The following DCDC2 variants were observed in gnomAD, a reference collection of about 807,000 sequenced individuals.
The protein encoded by DCDC2 is doublecortin domain containing 2, also known as doublecortin domain-containing protein 2.
Under a neutral mutation model 50.2 loss-of-function variants are expected in DCDC2, and 40 were observed. The ratio of observed to expected loss-of-function variants is 0.80; its 90% CI spans 0.62 to 1.04. The LOEUF (loss-of-function observed/expected upper bound fraction) is 1.04. DCDC2 is among the 50% of genes least tolerant of loss of function. DCDC2 has a pLI of 0.00. For missense variants in DCDC2, 570 were observed against 581.9 expected (o/e 0.98, Z 0.21); for synonymous variants, 234 against 210.6 (o/e 1.11, Z -0.96).
intron 8 of DCDC2, among the ~76,000 whole-genome samples, chr6:24,203,759 G>A (rs1761640200): frequency 1.3e-5 from 2 of 151,766 alleles, no homozygotes; most frequent in South Asian, 4.2e-4. Context: ...CTAATATTCA[G>A]AATCTACAAG....
chr6:24,195,164 CCA>C (rs1211163941), intron 8 of DCDC2, among the ~76,000 whole-genome samples: 1 of 152,030 alleles, frequency 6.6e-6, no homozygotes, highest in Non-Finnish European at 1.5e-5. Flanking sequence ...AGTTAGCATG[CCA>C]CAGTTTCATG....
At chr6:24,191,930 C>A (rs185673433) in intron 8 of DCDC2, among the ~76,000 whole-genome samples, 1 of 152,204 alleles carries the variant, frequency 6.6e-6, no homozygotes, top group Non-Finnish European at 1.5e-5. Context: ...AAAGGGAAGC[C>A]AAGAAGCAAG....
At chr6:24,274,296 A>G (rs1763302735) in intron 7 of DCDC2, among the ~76,000 whole-genome samples, 1 of 152,180 alleles carries the variant, frequency 6.6e-6, no homozygotes, top group African/African-American at 2.4e-5. Context: ...ATCATCCAAA[A>G]TGCTATTTCA....
At chr6:24,378,905 G>C in the DCDC2 span, among the ~76,000 whole-genome samples, 1 of 142,362 alleles carries the variant, frequency 7.0e-6, no homozygotes, top group Non-Finnish European at 1.5e-5. Context: ...TGAGCTATGA[G>C]TGTGCCACTG....
At chr6:24,359,207 TTATATATTATATATTTTATATATTTTA>T (rs1760587900), upstream of DCDC2, among the ~76,000 whole-genome samples, 1 of 71,450 alleles carries the variant, frequency 1.4e-5, no homozygotes, top group Non-Finnish European at 2.3e-5. Context: ...TATATATATT[TTATATATTATATATTTTATATATTTTA>T]TATATTTTAT....
chr6:24,185,706 CACACACACACACACACACACATAT>C (rs1761186327), intron 8 of DCDC2, among the ~76,000 whole-genome samples: 1 of 112,254 alleles, frequency 8.9e-6, no homozygotes, highest in Non-Finnish European at 2.0e-5. Context: ...CACACACACA[CACACACACACACACACACACATAT>C]ACACACAGAT....
chr6:24,195,048 C>A (rs1260831793), intron 8 of DCDC2, among the ~76,000 whole-genome samples: 1 of 152,068 alleles, frequency 6.6e-6, no homozygotes, highest in Non-Finnish European at 1.5e-5. Flanking sequence ...CATACACATG[C>A]AAATACCCCT....
chr6:24,178,271 G>A lies in DCDC2; in HGVS notation c.1326+59C>T, dbSNP rs78242664. 0.035 allele frequency: 53,079 copies of A among 1,512,924 alleles called. 2,177 individuals are homozygous for A. The highest frequency in any genetic ancestry group is 0.2 in the African/African-American group (14,407 of 72,502). 93.7% of individuals were successfully genotyped at this position (1,512,924 alleles called of 1,614,324 possible). A position where few individuals can be genotyped will look rare whatever the true frequency, so the allele number is the denominator to read the frequency against. On this transcript the variant is annotated intron_variant, in intron 9 of 9. Coordinates refer to ENST00000378454, the MANE Select transcript of DCDC2 (RefSeq NM_016356.5). ...CACTTGATTAATTCTCTGAATGCAC[G>A]CATGTACACACACACATATTCATGC... is the stretch of plus-strand genomic sequence containing the variant.
At chr6:24,333,320 G>C (rs562538278) in intron 2 of DCDC2, among the ~76,000 whole-genome samples, 25 of 152,250 alleles carry the variant, frequency 1.6e-4, no homozygotes, top group Non-Finnish European at 2.8e-4. Context: ...AGAGAAAAGA[G>C]AGCAAAAGGA....
At chr6:24,377,178 G>A in the DCDC2 span, among the ~76,000 whole-genome samples, 12 of 152,196 alleles carry the variant, frequency 7.9e-5, no homozygotes, top group Non-Finnish European at 1.6e-4. Context: ...GCCACAGTCC[G>A]CTGGGAACAA....
At chr6:24,338,251 A>C (rs7759923) in intron 2 of DCDC2, among the ~76,000 whole-genome samples, 56,940 of 152,138 alleles carry the variant, frequency 0.37, 12,731 homozygotes, top group African/African-American at 0.64. Context: ...CACATGCACA[A>C]ACACTCACAG....
chr6:24,247,323 A>G (rs1039927141), intron 7 of DCDC2, among the ~76,000 whole-genome samples: 21 of 149,982 alleles, frequency 1.4e-4, no homozygotes, highest in African/African-American at 4.9e-4. Flanking sequence ...ATATATACAT[A>G]TTTAACTATT....
At chr6:24,220,887 A>AGC (rs1554146345) in intron 7 of DCDC2, among the ~76,000 whole-genome samples, 4,126 of 114,788 alleles carry the variant, frequency 0.036, 93 homozygotes, top group Non-Finnish European at 0.048. Context: ...CGAGAGCGAG[A>AGC]GAGTGAGCGA....
At chr6:24,347,950 C>G (rs948596435) in intron 2 of DCDC2, among the ~76,000 whole-genome samples, 1 of 152,172 alleles carries the variant, frequency 6.6e-6, no homozygotes, top group African/African-American at 2.4e-5. Context: ...AAAGGAAGAT[C>G]AAAACCATGG....
At chr6:24,195,244 T>G (rs1486437875) in intron 8 of DCDC2, among the ~76,000 whole-genome samples, 1 of 152,156 alleles carries the variant, frequency 6.6e-6, no homozygotes, top group South Asian at 2.1e-4. Flanking sequence ...GCAATAGCAG[T>G]AGCCAAAATA....
intron 7 of DCDC2, among the ~76,000 whole-genome samples, chr6:24,210,045 TGTGTG>T (rs1761828144): frequency 6.8e-6 from 1 of 146,476 alleles, no homozygotes; most frequent in Admixed American, 6.7e-5. Context: ...TGTGTGTGTG[TGTGTG>T]TGTGTCTGTC....
intron 2 of DCDC2, among the ~76,000 whole-genome samples, chr6:24,304,704 G>A (rs769261179): frequency 5.3e-5 from 8 of 152,184 alleles, no homozygotes; most frequent in Non-Finnish European, 1.0e-4. Flanking sequence ...TTTTAAATGC[G>A]CTGATGGCCT....
upstream of DCDC2, among the ~76,000 whole-genome samples, chr6:24,361,304 G>GA (rs1442788249): frequency 2.6e-5 from 4 of 151,908 alleles, no homozygotes; most frequent in African/African-American, 7.3e-5. Context: ...GAGAGGAGCA[G>GA]AAAAAATAAC....
At chr6:24,232,014 CACACACACACACACAT>C (rs1483943786) in intron 7 of DCDC2, among the ~76,000 whole-genome samples, 3 of 102,696 alleles carry the variant, frequency 2.9e-5, no homozygotes, top group Non-Finnish European at 7.5e-5. Flanking sequence ...TACACACACA[CACACACACACACACAT>C]ACACACATAC....
Sources: gnomAD v4.1 joint callset for allele counts (sites outside exome capture counted in the v4.1 genomes callset) on GRCh38, gnomAD v4.1.1 for gene constraint, MANE v1.5 for transcripts, NCBI Gene and HGNC (gene_info 2026-07-23, HGNC 2026-07-21) for gene names.